MEF2A: variants seen among roughly 807,000 people sequenced by gnomAD.
The protein encoded by MEF2A is myocyte enhancer factor 2A.
A neutral mutation model predicts 55.8 loss-of-function variants in MEF2A; 28 were observed. That is an observed-to-expected ratio of 0.50 (90% CI 0.37 to 0.69). The LOEUF (loss-of-function observed/expected upper bound fraction) is 0.69. Ranked by LOEUF, MEF2A falls within the 30% of genes least tolerant of loss-of-function variation. The pLI is 0.00. For missense variants in MEF2A, 528 were observed against 626.2 expected (o/e 0.84, Z 1.67); for synonymous variants, 239 against 227.1 (o/e 1.05, Z -0.47).
chr15:99,612,341 C>T lies in MEF2A; in HGVS notation c.-143+13830C>T, dbSNP rs964450649. ...CTGAGGCAGGAGAATGGCATGAACC[C>T]GGGAGGCGGAGCTTGCAGTAAGCCG... On this transcript the variant is annotated intron_variant, in intron 2 of 11. Transcript: ENST00000557942. Among the ~76,000 whole-genome samples, 8 of 150,368 alleles carry T rather than the reference C, an allele frequency of 5.3e-5. No individual in the cohort carries two copies. In the South Asian group the frequency reaches 1.0e-3, roughly 20 times the overall value.
Position 99,715,791 on chromosome 15 carries a change from C to T in MEF2A, c.*3020C>T, listed in dbSNP as rs1287685221. 2.6e-5 allele frequency: 4 copies of T among 152,220 alleles called. No individual in the cohort carries two copies. Among genetic ancestry groups the T allele is most frequent in the African/African-American group, 9.7e-5 (4 of 41,436 alleles). The allele number at this position is 152,220 out of a possible 1,614,324, so 9.4% of individuals were successfully genotyped here. ...AGTACAGTTTCCAACAGCTGTCCTT[C>T]CTCAGTACTCTAATGGCCACTCCAC... On this transcript the variant is annotated 3_prime_UTR_variant, in exon 12 of 12. Transcript: ENST00000557942.
intron 4 of MEF2A, among the ~76,000 whole-genome samples, chr15:99,652,434 A>T (rs2047011064): frequency 6.6e-6 from 1 of 152,148 alleles, no homozygotes; most frequent in Admixed American, 6.5e-5. Context: ...CTGGTTCCTA[A>T]CAGGGTCTGT....
chr15:99,661,485 A>G (rs1469403067), intron 4 of MEF2A, among the ~76,000 whole-genome samples: 1 of 151,452 alleles, frequency 6.6e-6, no homozygotes, highest in Non-Finnish European at 1.5e-5. Flanking sequence ...AAGGGCTTAC[A>G]TTGACTACTT....
At chr15:99,593,745 A>G (rs1044545574) in intron 1 of MEF2A, among the ~76,000 whole-genome samples, 2 of 152,210 alleles carry the variant, frequency 1.3e-5, no homozygotes, top group Non-Finnish European at 2.9e-5. Context: ...CATTTCATTT[A>G]ACCATTCCTA....
intron 1 of MEF2A, among the ~76,000 whole-genome samples, chr15:99,568,480 T>G (rs1310018343): frequency 6.6e-6 from 1 of 152,228 alleles, no homozygotes; most frequent in African/African-American, 2.4e-5. Flanking sequence ...ATTCCAGCAA[T>G]AGCAGTGTCA....
At chr15:99,710,569 A>G in intron 10 of MEF2A, 65 bp from the exon 11 acceptor site, 2 of 1,567,588 alleles carry the variant, frequency 1.3e-6, no homozygotes, top group South Asian at 1.1e-5. Flanking sequence ...TGCAGTAGCT[A>G]CGTAAAAAAT....
At chr15:99,645,994 G>A (rs915615674) in intron 4 of MEF2A, among the ~76,000 whole-genome samples, 1 of 152,066 alleles carries the variant, frequency 6.6e-6, no homozygotes, top group African/African-American at 2.4e-5. Context: ...ATGTATACCA[G>A]CATAATCTTA....
At chr15:99,664,063 T>C (rs1301486825) in intron 4 of MEF2A, among the ~76,000 whole-genome samples, 1 of 152,236 alleles carries the variant, frequency 6.6e-6, no homozygotes, top group Non-Finnish European at 1.5e-5. Flanking sequence ...CAATCAGTTA[T>C]CTTTGACCAA....
intron 8 of MEF2A, among the ~76,000 whole-genome samples, chr15:99,698,785 T>C (rs1196398033): frequency 1.3e-5 from 2 of 149,438 alleles, no homozygotes; most frequent in Non-Finnish European, 3.0e-5. Flanking sequence ...AGAGTGAAAC[T>C]CTGTCTCAAA....
chr15:99,702,370 A>G (rs1257423952), intron 8 of MEF2A, among the ~76,000 whole-genome samples: 2 of 151,978 alleles, frequency 1.3e-5, no homozygotes, highest in South Asian at 2.1e-4. Context: ...AACTGATTAG[A>G]CTGTTTCTAG....
At chr15:99,572,195 C>G (rs921579398) in intron 1 of MEF2A, among the ~76,000 whole-genome samples, 4 of 152,178 alleles carry the variant, frequency 2.6e-5, no homozygotes, top group Non-Finnish European at 4.4e-5. Context: ...CATTCTTCCC[C>G]TCATTCATCA....
intron 2 of MEF2A, among the ~76,000 whole-genome samples, chr15:99,631,835 A>C (rs948810017): frequency 3.9e-5 from 6 of 152,194 alleles, no homozygotes; most frequent in African/African-American, 1.2e-4. Context: ...TAGTGCTGGA[A>C]ATGATAAGAA....
intron 2 of MEF2A, among the ~76,000 whole-genome samples, chr15:99,602,579 C>T (rs1421720740): frequency 6.6e-6 from 1 of 151,682 alleles, no homozygotes; most frequent in Non-Finnish European, 1.5e-5. Context: ...GCTTGGGCCG[C>T]GACCAATTAT....
At chr15:99,674,307 GT>G (rs1462063342) in intron 5 of MEF2A, 85 bp from the exon 6 acceptor site, 38 of 1,243,632 alleles carry the variant, frequency 3.1e-5, no homozygotes, top group Non-Finnish European at 4.3e-5. Context: ...AGTAACTTGA[GT>G]TACCTTGCCA....
intron 9 of MEF2A, among the ~76,000 whole-genome samples, chr15:99,705,008 A>G (rs1308649815): frequency 6.6e-6 from 1 of 152,176 alleles, no homozygotes; most frequent in Non-Finnish European, 1.5e-5. Context: ...TTAAAACTTA[A>G]TCAATTAAAA....
Position 99,668,905 on chromosome 15 carries a change from A to G in MEF2A, c.259-2418A>G, listed in dbSNP as rs2050324117. On this transcript the variant is annotated intron_variant, in intron 4 of 11. Transcript: ENST00000557942. ...CTCTTCATGGTTTAGTGATAAGGAG[A>G]CACAAGTTGCCTATCAAACAGAGGT... is the stretch of plus-strand genomic sequence containing the variant. Among the ~76,000 whole-genome samples, 5 of 152,288 alleles carry G rather than the reference A, an allele frequency of 3.3e-5. No homozygotes were observed. The South Asian group carries it at 1.0e-3, about 32-fold the overall frequency.
Position 99,712,678 on chromosome 15 carries a change from C to G in MEF2A, c.1425C>G (p.Phe475Leu). 2 of 1,559,802 alleles carry G rather than the reference C, an allele frequency of 1.3e-6. No individual in the cohort carries two copies. The highest frequency in any genetic ancestry group is 1.7e-6 in the Non-Finnish European group (2 of 1,151,690). Residue 475 changes from phenylalanine to leucine, a missense_variant, in exon 12 of 12, where the codon TTC (phenylalanine) becomes TTG (leucine). Phe to Leu is a conservative substitution (Grantham distance 22, BLOSUM62 0). Coordinates refer to ENST00000557942, the MANE Select transcript of MEF2A (RefSeq NM_001319206.4). The surrounding 1 kb of genome is among the most constrained non-coding windows in gnomAD (Gnocchi z 4.1). ...GSDREDPRGDFHSPIVLGRPP... is the reference protein window; with the variant it reads ...GSDREDPRGDLHSPIVLGRPP... ...ATCGGGAGGATCCACGGGGCGACTTCCATTCTCCAATTGTGCTTGGCCGAC... is the reference window on the plus strand; with the variant it reads ...ATCGGGAGGATCCACGGGGCGACTTGCATTCTCCAATTGTGCTTGGCCGAC...
intron 2 of MEF2A, among the ~76,000 whole-genome samples, chr15:99,608,712 C>T (rs1268340698): frequency 6.6e-6 from 1 of 152,038 alleles, no homozygotes; most frequent in African/African-American, 2.4e-5. Flanking sequence ...CCAGCCTGGC[C>T]AACATGGTGA....
At chr15:99,702,039 G>C (rs957981657) in intron 8 of MEF2A, among the ~76,000 whole-genome samples, 3 of 152,198 alleles carry the variant, frequency 2.0e-5, no homozygotes, top group African/African-American at 7.2e-5. Flanking sequence ...GCTTATTCCT[G>C]TATATTAAAG....
Sources: gnomAD v4.1 joint callset for allele counts (sites outside exome capture counted in the v4.1 genomes callset) on GRCh38, gnomAD v4.1.1 for gene constraint, Gnocchi (gnomAD v3.1) non-coding constraint, MANE v1.5 for transcripts, NCBI Gene and HGNC (gene_info 2026-07-23, HGNC 2026-07-21) for gene names.